The following PRKG1 variants were observed in gnomAD, a reference collection of about 807,000 sequenced individuals.
PRKG1 encodes cGMP-dependent protein kinase 1.
PRKG1 carries 35 observed loss-of-function variants against 88.1 expected under a neutral mutation model. The observed-to-expected ratio is 0.40, with a 90% CI of 0.30 to 0.53. The LOEUF is 0.53. Among genes scored for constraint, PRKG1 ranks in the 20% least tolerant of loss-of-function variants. PRKG1 has a pLI of 0.59. For missense variants in PRKG1, 540 were observed against 839.8 expected (o/e 0.64, Z 4.41); for synonymous variants, 303 against 292.5 (o/e 1.04, Z -0.37).
At chr10:51,801,030 G>T (rs915193633) in intron 3 of PRKG1, among the ~76,000 whole-genome samples, 4 of 152,030 alleles carry the variant, frequency 2.6e-5, no homozygotes, top group Non-Finnish European at 5.9e-5. Context: ...TCTCTTCTCA[G>T]CTCCTCCCCA....
At chr10:52,096,781 A>C (rs1847183078) in intron 7 of PRKG1, among the ~76,000 whole-genome samples, 1 of 152,146 alleles carries the variant, frequency 6.6e-6, no homozygotes, top group Admixed American at 6.5e-5. Flanking sequence ...TCATTTTACT[A>C]TAGTAAAATT....
intron 4 of PRKG1, among the ~76,000 whole-genome samples, chr10:51,821,378 C>T (rs936979184): frequency 6.6e-6 from 1 of 151,946 alleles, no homozygotes; most frequent in Admixed American, 6.6e-5. Flanking sequence ...AATAAAATTT[C>T]TGGGTTATAT....
intron 9 of PRKG1, among the ~76,000 whole-genome samples, chr10:52,225,456 G>C (rs764570501): frequency 6.6e-6 from 1 of 152,112 alleles, no homozygotes; most frequent in Non-Finnish European, 1.5e-5. Flanking sequence ...TCTGCTGACT[G>C]TTCCTTTTGC....
At chr10:52,214,104 T>A (rs1164327783) in intron 9 of PRKG1, among the ~76,000 whole-genome samples, 12 of 152,178 alleles carry the variant, frequency 7.9e-5, no homozygotes. Flanking sequence ...GCCATTCTCC[T>A]GGGTTATTAA....
chr10:51,204,077 T>C (rs1459546743), intron 2 of PRKG1, among the ~76,000 whole-genome samples: 1 of 152,234 alleles, frequency 6.6e-6, no homozygotes, highest in Admixed American at 6.5e-5. Flanking sequence ...GTTTTGACTT[T>C]AGTACCTAGA....
At chr10:51,986,100 T>C (rs1429291066) in intron 5 of PRKG1, among the ~76,000 whole-genome samples, 1 of 152,192 alleles carries the variant, frequency 6.6e-6, no homozygotes, top group Non-Finnish European at 1.5e-5. Flanking sequence ...AAGAGAGTAC[T>C]GTGCTTACAT....
At chr10:51,906,956 T>C (rs1229609780) in intron 4 of PRKG1, among the ~76,000 whole-genome samples, 3 of 152,240 alleles carry the variant, frequency 2.0e-5, no homozygotes, top group African/African-American at 7.2e-5. Flanking sequence ...GAGTCTGTTT[T>C]GTCAGTCTTA....
intron 3 of PRKG1, among the ~76,000 whole-genome samples, chr10:51,485,073 A>G (rs1840489935): frequency 6.6e-6 from 1 of 152,218 alleles, no homozygotes. Flanking sequence ...GTTTTTTTCA[A>G]CAAATAGAAA....
At chr10:52,118,071 T>C (rs1440654463) in intron 7 of PRKG1, among the ~76,000 whole-genome samples, 1 of 152,110 alleles carries the variant, frequency 6.6e-6, no homozygotes, top group Admixed American at 6.6e-5. Context: ...TAAGTACATA[T>C]GTAAGATTAA....
At chr10:51,925,426 T>C (rs533932275) in intron 5 of PRKG1, among the ~76,000 whole-genome samples, 1 of 152,192 alleles carries the variant, frequency 6.6e-6, no homozygotes, top group East Asian at 1.9e-4. Flanking sequence ...CAAGGGGATT[T>C]CTTCTATATT....
chr10:51,681,309 A>G (rs1840844100), intron 3 of PRKG1, among the ~76,000 whole-genome samples: 1 of 152,162 alleles, frequency 6.6e-6, no homozygotes, highest in Non-Finnish European at 1.5e-5. Flanking sequence ...TATATAGAAT[A>G]TTAAATTTAA....
At chr10:51,638,057 G>A (rs1839702957) in intron 3 of PRKG1, among the ~76,000 whole-genome samples, 1 of 152,152 alleles carries the variant, frequency 6.6e-6, no homozygotes, top group African/African-American at 2.4e-5. Flanking sequence ...ATATAAGTAA[G>A]CATTGTAGGT....
At chr10:51,629,645 T>TA (rs1413643864) in intron 3 of PRKG1, among the ~76,000 whole-genome samples, 10 of 152,120 alleles carry the variant, frequency 6.6e-5, no homozygotes, top group African/African-American at 2.4e-4. Flanking sequence ...ATTCAGAACA[T>TA]ACGGAGGTTT....
chr10:51,432,842 G>C (rs980247409), intron 2 of PRKG1, among the ~76,000 whole-genome samples: 1 of 152,000 alleles, frequency 6.6e-6, no homozygotes, highest in African/African-American at 2.4e-5. Flanking sequence ...TTTTAACTAC[G>C]TCCCTTCATC....
intron 2 of PRKG1, among the ~76,000 whole-genome samples, chr10:51,388,366 C>A (rs944979003): frequency 1.1e-4 from 16 of 152,266 alleles, no homozygotes; most frequent in Admixed American, 7.8e-4. Context: ...CAGATGCAAA[C>A]CCCCTGAATT....
At chr10:51,790,255 T>C (rs1391335023) in intron 3 of PRKG1, among the ~76,000 whole-genome samples, 4 of 152,186 alleles carry the variant, frequency 2.6e-5, no homozygotes, top group Admixed American at 2.0e-4. Flanking sequence ...TGTTCTTTCT[T>C]TTTTGACTCT....
intron 2 of PRKG1, among the ~76,000 whole-genome samples, chr10:51,276,878 C>T (rs1840136233): frequency 6.6e-6 from 1 of 152,238 alleles, no homozygotes; most frequent in African/African-American, 2.4e-5. Context: ...GTCAGATGAG[C>T]AGATCACAAA....
intron 4 of PRKG1, among the ~76,000 whole-genome samples, chr10:51,850,384 C>T (rs1459598109): frequency 6.6e-6 from 1 of 152,086 alleles, no homozygotes; most frequent in Non-Finnish European, 1.5e-5. Flanking sequence ...ACCATATTGG[C>T]CAGGTTGGTC....
At chr10:52,071,144 T>C (rs2133285765) in intron 7 of PRKG1, among the ~76,000 whole-genome samples, 2 of 152,164 alleles carry the variant, frequency 1.3e-5, no homozygotes, top group Middle Eastern at 6.8e-3. Context: ...CCTTTATTTA[T>C]TCATATTTTT....
Sources: gnomAD v4.1 joint callset for allele counts (sites outside exome capture counted in the v4.1 genomes callset) on GRCh38, gnomAD v4.1.1 for gene constraint, MANE v1.5 for transcripts, NCBI Gene and HGNC (gene_info 2026-07-23, HGNC 2026-07-21) for gene names.